The following DTHD1 variants were observed in gnomAD, a reference collection of about 807,000 sequenced individuals.
DTHD1 encodes the protein death domain containing 1.
DTHD1 carries 59 observed loss-of-function variants against 74.8 expected under a neutral mutation model. That is an observed-to-expected ratio of 0.79 (90% CI 0.64 to 0.98). DTHD1 has a LOEUF of 0.98. DTHD1 is among the 50% of genes least tolerant of loss of function. DTHD1 has a pLI of 0.00. For missense variants in DTHD1, 1,051 were observed against 1,065.4 expected (o/e 0.99, Z 0.19); for synonymous variants, 365 against 371.1 (o/e 0.98, Z 0.19).
chr4:36,304,067 T>C (rs1050084388), intron 5 of DTHD1, among the ~76,000 whole-genome samples: 2 of 152,236 alleles, frequency 1.3e-5, no homozygotes, highest in Non-Finnish European at 2.9e-5. Flanking sequence ...TGAGCAGCAT[T>C]AATGAATGAC....
intron 8 of DTHD1, among the ~76,000 whole-genome samples, chr4:36,322,818 A>G (rs1296054326): frequency 6.6e-6 from 1 of 152,366 alleles, no homozygotes; most frequent in Middle Eastern, 3.4e-3. Flanking sequence ...ATGTTCAAGT[A>G]AATTCAGTTC....
At chr4:36,314,545 G>C (rs1240266922) in intron 7 of DTHD1, among the ~76,000 whole-genome samples, 5 of 151,508 alleles carry the variant, frequency 3.3e-5, no homozygotes, top group African/African-American at 7.3e-5. Flanking sequence ...ACCCAGGCGT[G>C]GTGGCCCACA....
chr4:36,339,019 G>A lies in DTHD1; in HGVS notation c.2341-93G>A, dbSNP rs903318217. 63 of 1,024,064 alleles carry A rather than the reference G, an allele frequency of 6.2e-5. No individual in the cohort carries two copies. In the East Asian group the frequency reaches 1.0e-3, roughly 17 times the overall value. 63.4% of individuals were successfully genotyped at this position (1,024,064 alleles called of 1,614,324 possible). On this transcript the variant is annotated intron_variant, in intron 8 of 9. Coordinates refer to ENST00000639862, the MANE Select transcript of DTHD1 (RefSeq NM_001170700.3). Reference sequence around the variant, plus strand: ...AAGGTATGCAATTCAGTACTTCTTCGAAACAGAGATGATGTTCAGATGAAT... The same window carrying A: ...AAGGTATGCAATTCAGTACTTCTTCAAAACAGAGATGATGTTCAGATGAAT...
intron 9 of DTHD1, among the ~76,000 whole-genome samples, chr4:36,341,522 T>C (rs1479374844): frequency 6.6e-6 from 1 of 152,196 alleles, no homozygotes; most frequent in African/African-American, 2.4e-5. Context: ...AAAAGATTCA[T>C]GTCATTGTTA....
At chr4:36,309,278 A>T (rs1757241239) in intron 7 of DTHD1, among the ~76,000 whole-genome samples, 1 of 152,150 alleles carries the variant, frequency 6.6e-6, no homozygotes, top group South Asian at 2.1e-4. Flanking sequence ...TCTATTCAAA[A>T]TACACACAAC....
chr4:36,308,604 G>C, intron 7 of DTHD1, 111 bp downstream of exon 7: 1 of 861,156 alleles, frequency 1.2e-6, no homozygotes, highest in Non-Finnish European at 1.7e-6. Flanking sequence ...ATTGACGAGA[G>C]ACTTTAGGAA....
chr4:36,334,766 G>A (rs1455869942), intron 8 of DTHD1, among the ~76,000 whole-genome samples: 4 of 152,234 alleles, frequency 2.6e-5, no homozygotes, highest in Admixed American at 2.6e-4. Context: ...TCTGAAATGT[G>A]TTCTGCAGGA....
chr4:36,312,275 C>G (rs1255601272), intron 7 of DTHD1, among the ~76,000 whole-genome samples: 3 of 151,220 alleles, frequency 2.0e-5, no homozygotes, highest in African/African-American at 4.9e-5. Flanking sequence ...TTTAAAGTTG[C>G]CCTGAATGCC....
chr4:36,290,935 A>AT (rs1455041999), intron 3 of DTHD1, among the ~76,000 whole-genome samples: 3 of 152,108 alleles, frequency 2.0e-5, no homozygotes, highest in East Asian at 1.9e-4. Flanking sequence ...ACCAAATGTT[A>AT]TTTTTTTCAC....
intron 6 of DTHD1, 137 bp from the exon 7 acceptor site, chr4:36,308,067 T>A: frequency 1.1e-6 from 1 of 881,766 alleles, no homozygotes; most frequent in Non-Finnish European, 1.7e-6. Flanking sequence ...TTAATGAATC[T>A]CACCTGTTGT....
chr4:36,287,801 A>G (rs1755802804), intron 2 of DTHD1, among the ~76,000 whole-genome samples: 1 of 152,102 alleles, frequency 6.6e-6, no homozygotes, highest in Admixed American at 6.6e-5. Flanking sequence ...AATTGTTTAT[A>G]CATGTCCTTA....
chr4:36,317,004 CT>C (rs1172904799), intron 8 of DTHD1, among the ~76,000 whole-genome samples: 1 of 152,130 alleles, frequency 6.6e-6, no homozygotes, highest in Non-Finnish European at 1.5e-5. Flanking sequence ...CATTTTATTG[CT>C]GTATATTACA....
In DTHD1 at chr4:36,299,692, C is replaced by A. The variant is rs191768912; in HGVS notation, c.1643+4653C>A. 1.6e-3 allele frequency among the ~76,000 whole-genome samples: 237 copies of A among 152,286 alleles called. 1 individual carries two copies. Among genetic ancestry groups the A allele is most frequent in the South Asian group, 9.9e-3 (48 of 4,828 alleles). On this transcript the variant is annotated intron_variant, in intron 5 of 9. Transcript: ENST00000639862. ...CTCTTTTTAAATTCCGTATTGTTTA[C>A]TTCCCTTCTGTTTTCCAGCTCCCTG...
Position 36,282,041 on chromosome 4 carries a change from T to C in DTHD1, c.271+12T>C, listed in dbSNP as rs768405790. On this transcript the variant is annotated intron_variant, in intron 1 of 9. Transcript: ENST00000639862. ...TGTCTCGAGAAAAGGCAAGTATTCT[T>C]TTTTTTAGTTTATTCTTTCTCTAAG... 2.0e-6 allele frequency: 3 copies of C among 1,520,240 alleles called. No homozygotes were observed. Among genetic ancestry groups the C allele is most frequent in the Non-Finnish European group, 1.8e-6 (2 of 1,130,196 alleles). The allele number at this position is 1,520,240 out of a possible 1,614,324, so 94.2% of individuals were successfully genotyped here.
intron 8 of DTHD1, among the ~76,000 whole-genome samples, chr4:36,328,960 C>G (rs1323798443): frequency 6.6e-6 from 1 of 152,192 alleles, no homozygotes; most frequent in African/African-American, 2.4e-5. Flanking sequence ...TTATCTCAGT[C>G]AGTTAGAGAC....
At chr4:36,301,157 T>C (rs1756749827) in intron 5 of DTHD1, among the ~76,000 whole-genome samples, 1 of 152,170 alleles carries the variant, frequency 6.6e-6, no homozygotes, top group Non-Finnish European at 1.5e-5. Context: ...AAGATGTAAT[T>C]GTGCACTGTT....
chr4:36,303,042 T>C (rs1393809513), intron 5 of DTHD1, among the ~76,000 whole-genome samples: 2 of 152,230 alleles, frequency 1.3e-5, no homozygotes, highest in East Asian at 3.8e-4. Context: ...GACATTTTAA[T>C]CTGTAGCCTC....
chr4:36,305,554 C>T (rs1578455409), intron 5 of DTHD1, among the ~76,000 whole-genome samples: 2 of 152,142 alleles, frequency 1.3e-5, no homozygotes, highest in East Asian at 3.8e-4. Flanking sequence ...ATGGAAGCTA[C>T]AGTTCAAAAT....
rs1036531579 is a variant in DTHD1 at position 36,294,845 on chromosome 4, T to C, written c.1449T>C (p.Asp483=). 6.8e-5 allele frequency: 105 copies of C among 1,550,858 alleles called. No individual in the cohort carries two copies. The highest frequency in any genetic ancestry group is 1.6e-4 in the African/African-American group (12 of 73,026). The change falls in exon 5 of 10, where the codon GAT becomes GAC. Residue 483 remains aspartate (D), a synonymous_variant. Transcript: ENST00000639862. ...TGGCACATTTAAAAGCACAGCAAGA[T>C]ACTTTCTACTCAGTCCAATCCACAA... ...ALVAHLKAQQ[D]TFYSVQSTSP...
Sources: allele counts gnomAD v4.1 joint callset (sites outside exome capture counted in the v4.1 genomes callset), GRCh38; gene constraint gnomAD v4.1.1; transcripts MANE v1.5; gene names NCBI Gene and HGNC (gene_info 2026-07-23, HGNC 2026-07-21).